Variants in MED13L observed in about 807,000 individuals in gnomAD.
MED13L encodes the protein mediator complex subunit 13L.
In MED13L, 7 loss-of-function variants were observed where a neutral mutation model predicts 220.9. The observed-to-expected ratio is 0.03, with a 90% CI of 0.02 to 0.06. The LOEUF is 0.06. Among genes scored for constraint, MED13L ranks in the 10% least tolerant of loss-of-function variants. The probability of loss-of-function intolerance (pLI) is 1.00; values close to 1 mark genes in which losing one functional copy is unlikely to be tolerated. For missense variants in MED13L, 1,965 were observed against 2,760.5 expected, an observed-to-expected ratio of 0.71 and a Z score of 6.46; for synonymous variants, 1,011 against 1,015.2, an observed-to-expected ratio of 1.00 and a Z score of 0.08.
intron 2 of MED13L, among the ~76,000 whole-genome samples, chr12:116,227,627 C>T (rs1869134255): frequency 6.6e-6 from 1 of 152,174 alleles, no homozygotes; most frequent in Non-Finnish European, 1.5e-5. Flanking sequence ...CCATATAAAA[C>T]AGCAGACTGA....
intron 2 of MED13L, among the ~76,000 whole-genome samples, chr12:116,143,863 A>G (rs1028714299): frequency 1.3e-5 from 2 of 152,236 alleles, no homozygotes; most frequent in South Asian, 2.1e-4. Context: ...ATGAATATAC[A>G]AAAACTATTT....
At chr12:116,160,387 G>A (rs781269401) in intron 2 of MED13L, among the ~76,000 whole-genome samples, 9 of 151,996 alleles carry the variant, frequency 5.9e-5, no homozygotes, top group South Asian at 2.1e-4. Flanking sequence ...GGTGAGTCAC[G>A]ATGCATCATG....
At chr12:116,011,488 A>G (rs887635800) in intron 9 of MED13L, among the ~76,000 whole-genome samples, 1 of 152,222 alleles carries the variant, frequency 6.6e-6, no homozygotes, top group Non-Finnish European at 1.5e-5. Flanking sequence ...AGGAAAGAGC[A>G]GGGAAAATAA....
At chr12:115,975,372 T>C (rs1876866049) in intron 24 of MED13L, 59 bp from the exon 25 acceptor site, 3 of 1,612,532 alleles carry the variant, frequency 1.9e-6, no homozygotes, top group South Asian at 1.1e-5. Context: ...GAGTTATTTA[T>C]CACTTATAAG....
chr12:116,224,976 C>T (rs1311465091), intron 2 of MED13L, among the ~76,000 whole-genome samples: 4 of 152,170 alleles, frequency 2.6e-5, no homozygotes, highest in Admixed American at 1.3e-4. Context: ...GGATTACAGG[C>T]GTGAGCCACC....
intron 2 of MED13L, among the ~76,000 whole-genome samples, chr12:116,163,763 T>C (rs1188582756): frequency 1.3e-5 from 2 of 152,192 alleles, no homozygotes; most frequent in African/African-American, 4.8e-5. Flanking sequence ...TAGAGATGAA[T>C]TAAGCTGAAA....
At chr12:116,011,927 C>T (rs1302516013) in intron 9 of MED13L, among the ~76,000 whole-genome samples, 1 of 152,202 alleles carries the variant, frequency 6.6e-6, no homozygotes, top group Non-Finnish European at 1.5e-5. Flanking sequence ...GGACTACCTC[C>T]TCAGCCTGAA....
At chr12:116,269,215 C>T (rs756540055) in intron 1 of MED13L, among the ~76,000 whole-genome samples, 3 of 152,012 alleles carry the variant, frequency 2.0e-5, no homozygotes, top group Non-Finnish European at 4.4e-5. Flanking sequence ...CACACCACCA[C>T]GCCCAGCTAC....
chr12:116,154,825 T>C (rs535436071), intron 2 of MED13L, among the ~76,000 whole-genome samples: 3 of 152,136 alleles, frequency 2.0e-5, no homozygotes, highest in Non-Finnish European at 4.4e-5. Context: ...GTGTTGATGG[T>C]GGTGGTGTTT....
At chr12:116,245,927 C>G (rs1422729356) in intron 1 of MED13L, among the ~76,000 whole-genome samples, 1 of 152,086 alleles carries the variant, frequency 6.6e-6, no homozygotes, top group Non-Finnish European at 1.5e-5. Context: ...TCTGAGTGCT[C>G]AGAACAATGG....
intron 1 of MED13L, among the ~76,000 whole-genome samples, chr12:116,244,750 T>C (rs1870957983): frequency 1.3e-5 from 2 of 152,144 alleles, no homozygotes; most frequent in Admixed American, 6.5e-5. Flanking sequence ...TCAGAAGTTC[T>C]AGACCAGCCT....
chr12:116,180,035 C>T (rs1215019692), intron 2 of MED13L, among the ~76,000 whole-genome samples: 2 of 152,152 alleles, frequency 1.3e-5, no homozygotes. Flanking sequence ...AAGTGACTTA[C>T]TTTGTGGTGT....
At chr12:116,147,780 C>T (rs1312862930) in intron 2 of MED13L, among the ~76,000 whole-genome samples, 3 of 152,002 alleles carry the variant, frequency 2.0e-5, no homozygotes, top group African/African-American at 4.8e-5. Context: ...ATACAGTGAA[C>T]ATGTGCTAAT....
In MED13L at chr12:115,958,931, C is replaced by T. The variant is rs915396142; in HGVS notation, c.*2335G>A. 1.3e-5 allele frequency: 2 copies of T among 152,364 alleles called. No homozygotes were observed. Among genetic ancestry groups the T allele is most frequent in the Admixed American group, 6.6e-5 (1 of 15,242 alleles). The allele number at this position is 152,364 out of a possible 1,614,324, so 9.4% of individuals were successfully genotyped here. A position where few individuals can be genotyped will look rare whatever the true frequency, so the allele number is the denominator to read the frequency against. On this transcript the variant is annotated 3_prime_UTR_variant, in exon 31 of 31. Transcript: ENST00000281928. The stretch of plus-strand genomic sequence containing the variant: ...CATGCTGGACAATCCCACCCTTTTC[C>T]CCTCCCCATTTCCCCTTTTTTTGTT...
At chr12:116,011,027 C>A (rs1023559645) in intron 9 of MED13L, among the ~76,000 whole-genome samples, 2 of 152,014 alleles carry the variant, frequency 1.3e-5, no homozygotes, top group Non-Finnish European at 2.9e-5. Flanking sequence ...CAGACACGCA[C>A]CACCATGGCT....
intron 2 of MED13L, among the ~76,000 whole-genome samples, chr12:116,164,792 T>C (rs1232968668): frequency 6.6e-6 from 1 of 152,224 alleles, no homozygotes; most frequent in Non-Finnish European, 1.5e-5. Flanking sequence ...AGCCTAGGTA[T>C]AGAATGAATT....
chr12:116,069,115 T>C (rs1169986565), intron 4 of MED13L, among the ~76,000 whole-genome samples: 1 of 152,128 alleles, frequency 6.6e-6, no homozygotes, highest in Non-Finnish European at 1.5e-5. Context: ...AAAAGCAGTC[T>C]ATACGCCAGA....
At chr12:116,160,811 T>A (rs932380786) in intron 2 of MED13L, among the ~76,000 whole-genome samples, 1 of 151,252 alleles carries the variant, frequency 6.6e-6, no homozygotes, top group Non-Finnish European at 1.5e-5. Context: ...CAAGTGATCC[T>A]CCTGCCTCAG....
At chr12:116,013,707 G>T (rs1002025535) in intron 8 of MED13L, among the ~76,000 whole-genome samples, 1 of 152,216 alleles carries the variant, frequency 6.6e-6, no homozygotes, top group African/African-American at 2.4e-5. Flanking sequence ...GCGAAAAGCA[G>T]ATCGCTTTAT....
Sources: gnomAD v4.1 joint callset for allele counts (sites outside exome capture counted in the v4.1 genomes callset) on GRCh38, gnomAD v4.1.1 for gene constraint, MANE v1.5 for transcripts, NCBI Gene and HGNC (gene_info 2026-07-23, HGNC 2026-07-21) for gene names.